Variants in RIGI observed in about 807,000 individuals in gnomAD.
The protein encoded by RIGI is antiviral innate immune response receptor RIG-I.
chr9:32,467,279 T>C, the RIGI span, among the ~76,000 whole-genome samples: 1 of 152,204 alleles, frequency 6.6e-6, no homozygotes, highest in African/African-American at 2.4e-5. Context: ...GGTGTTTCAA[T>C]ACAAGGAAGT....
chr9:32,490,474 G>T, the RIGI span, among the ~76,000 whole-genome samples: 6,674 of 150,384 alleles, frequency 0.044, 428 homozygotes, highest in African/African-American at 0.14. Flanking sequence ...TTTTCCAAGG[G>T]GTAACAGATT....
chr9:32,499,445 G>A, the RIGI span, among the ~76,000 whole-genome samples: 1 of 150,400 alleles, frequency 6.6e-6, no homozygotes, highest in South Asian at 2.1e-4. Flanking sequence ...TAAATACAGG[G>A]TTTATTTATT....
the RIGI span, among the ~76,000 whole-genome samples, chr9:32,514,197 A>G: frequency 0.034 from 5,112 of 152,292 alleles, 281 homozygotes; most frequent in African/African-American, 0.11. Context: ...AACCAGAGAT[A>G]TCCTTTGACC....
the RIGI span, among the ~76,000 whole-genome samples, chr9:32,514,334 A>T: frequency 6.6e-6 from 1 of 152,254 alleles, no homozygotes; most frequent in South Asian, 2.1e-4. Flanking sequence ...CCAAATGCCC[A>T]TCAATGATAA....
At chr9:32,471,763 T>A in the RIGI span, among the ~76,000 whole-genome samples, 1 of 152,170 alleles carries the variant, frequency 6.6e-6, no homozygotes, top group African/African-American at 2.4e-5. Context: ...ACAACAAAGT[T>A]TGAAAATCAA....
the RIGI span, among the ~76,000 whole-genome samples, chr9:32,507,456 A>C: frequency 3.9e-5 from 6 of 152,074 alleles, no homozygotes; most frequent in African/African-American, 1.4e-4. Flanking sequence ...ATATCTTATA[A>C]TTCCCATATT....
At chr9:32,457,550 C>A in the RIGI span, 13 of 758,464 alleles carry the variant, frequency 1.7e-5, no homozygotes, top group South Asian at 5.7e-5. Context: ...ACTTATTTTA[C>A]AATTGGAGGA....
At chr9:32,505,664 T>C in the RIGI span, among the ~76,000 whole-genome samples, 1 of 152,226 alleles carries the variant, frequency 6.6e-6, no homozygotes, top group Non-Finnish European at 1.5e-5. Flanking sequence ...TAGTTTTAAA[T>C]AAGTAAGATT....
chr9:32,464,800 A>G, the RIGI span, among the ~76,000 whole-genome samples: 6 of 152,188 alleles, frequency 3.9e-5, no homozygotes, highest in African/African-American at 1.2e-4. Flanking sequence ...TCCCAGCTAC[A>G]CTGGTTATAG....
chr9:32,480,157 G>A, the RIGI span: 3 of 1,552,538 alleles, frequency 1.9e-6, no homozygotes, highest in Non-Finnish European at 2.6e-6. Flanking sequence ...ATACATGTTT[G>A]TTTTGCCATT....
the RIGI span, among the ~76,000 whole-genome samples, chr9:32,502,718 G>A: frequency 6.6e-6 from 1 of 152,276 alleles, no homozygotes; most frequent in Admixed American, 6.5e-5. Flanking sequence ...CCGGTTTCTG[G>A]TAGCTGCTGG....
At chr9:32,462,342 T>C in the RIGI span, among the ~76,000 whole-genome samples, 1 of 151,492 alleles carries the variant, frequency 6.6e-6, no homozygotes, top group Non-Finnish European at 1.5e-5. Flanking sequence ...ATAGATAATA[T>C]ATTGATTACC....
the RIGI span, among the ~76,000 whole-genome samples, chr9:32,509,646 G>A: frequency 6.6e-6 from 1 of 152,126 alleles, no homozygotes; most frequent in East Asian, 1.9e-4. Flanking sequence ...AAACGCCAGT[G>A]CAAAAAGGCA....
At chr9:32,520,899 AC>A in the RIGI span, among the ~76,000 whole-genome samples, 1 of 151,038 alleles carries the variant, frequency 6.6e-6, no homozygotes, top group East Asian at 1.9e-4. Context: ...TAATCCCAGC[AC>A]TTTGGGAGGC....
At chr9:32,503,542 A>C in the RIGI span, among the ~76,000 whole-genome samples, 1 of 152,120 alleles carries the variant, frequency 6.6e-6, no homozygotes, top group East Asian at 1.9e-4. Flanking sequence ...ACTACTGACT[A>C]AAGTACTTAC....
chr9:32,466,292 T>C, the RIGI span: 2 of 1,613,452 alleles, frequency 1.2e-6, no homozygotes, highest in African/African-American at 1.3e-5. Context: ...AGACTTACCT[T>C]TTCCCTAAAT....
the RIGI span, among the ~76,000 whole-genome samples, chr9:32,521,341 G>C: frequency 4.6e-5 from 7 of 152,122 alleles, no homozygotes; most frequent in South Asian, 2.1e-4. Flanking sequence ...AGTGAACTGT[G>C]GGGGGAAGAA....
At chr9:32,469,926 T>C in the RIGI span, among the ~76,000 whole-genome samples, 2 of 152,216 alleles carry the variant, frequency 1.3e-5, no homozygotes, top group Admixed American at 6.5e-5. Context: ...GTAATCCATA[T>C]TACTTTCCAT....
At chr9:32,489,977 A>G in the RIGI span, among the ~76,000 whole-genome samples, 1 of 152,252 alleles carries the variant, frequency 6.6e-6, no homozygotes, top group Non-Finnish European at 1.5e-5. Flanking sequence ...CATATAAATC[A>G]TTAAGAGCTA....
Sources: allele counts gnomAD v4.1 joint callset (sites outside exome capture counted in the v4.1 genomes callset), GRCh38; gene constraint gnomAD v4.1.1; transcripts MANE v1.5; gene names NCBI Gene and HGNC (gene_info 2026-07-23, HGNC 2026-07-21).